Variants in FREM3 observed in about 807,000 individuals in gnomAD.
FREM3 encodes FRAS1-related extracellular matrix protein 3.
A neutral mutation model predicts 129.1 loss-of-function variants in FREM3; 105 were observed. The ratio of observed to expected loss-of-function variants is 0.81; its 90% confidence interval spans 0.69 to 0.96. FREM3 has a LOEUF of 0.96. FREM3 is among the 40% of genes least tolerant of loss of function. The pLI is 0.00. For synonymous variants in FREM3, 1,014 were observed against 1,044.9 expected, an observed-to-expected ratio of 0.97 and a Z score of 0.57; for missense variants, 2,593 against 2,666.3, an observed-to-expected ratio of 0.97 and a Z score of 0.61.
chr4:143,587,938 T>A (rs552299680), intron 6 of FREM3, among the ~76,000 whole-genome samples: 1 of 152,208 alleles, frequency 6.6e-6, no homozygotes, highest in Non-Finnish European at 1.5e-5. Context: ...CTCACTCTTG[T>A]ATGCATGGCT....
In FREM3 at chr4:143,697,518, A is replaced by G. The variant is rs767791282; in HGVS notation, c.3158T>C (p.Ile1053Thr). 5 of 1,537,172 alleles carry G rather than the reference A, an allele frequency of 3.3e-6. No homozygotes were observed. In the African/African-American group the frequency reaches 6.8e-5, roughly 21 times the overall value. Residue 1053 changes from isoleucine to threonine, a missense_variant, in exon 1 of 8, where the codon ATA becomes ACA. By Grantham distance (89) the Ile-to-Thr change is moderately conservative. Around this residue, in one of 2 missense-constraint regions of FREM3, gnomAD observed 2,276 missense variants for 2,267.2 expected, o/e 1.00. Transcript: ENST00000329798. The stretch of plus-strand genomic sequence containing the variant: ...AGTTACTTGTACCTGTACTTTCTCT[A>G]TTATGCTATTCCCCACTACCCATTG... ...SYQWVVGNSI[I>T]EKVQVQVTVL...
In FREM3 at chr4:143,696,629, C is replaced by T; in HGVS notation, c.4047G>A (p.Gly1349=). Residue 1349 remains glycine, a synonymous_variant, in exon 1 of 8, where the codon GGG becomes GGA. Transcript: ENST00000329798. ...GCCTCTGTAGAAGCCCTTGTTGAGGCCCAGAATGGAGGACAAAACTGAGGC... is the reference window on the plus strand; with the variant it reads ...GCCTCTGTAGAAGCCCTTGTTGAGGTCCAGAATGGAGGACAAAACTGAGGC... ...DKSLSFVLHS[G]PQQGLLQRLR... is the part of the protein sequence containing the mutation. 6.5e-7 allele frequency: 1 copy of T among 1,537,762 alleles called. No homozygotes were observed. Among genetic ancestry groups the T allele is most frequent in the South Asian group, 1.2e-5 (1 of 84,054 alleles).
Position 143,585,766 on chromosome 4 carries a change from A to G in FREM3, c.6178+78T>C. On this transcript the variant is annotated intron_variant, in intron 7 of 7. Transcript: ENST00000329798. The surrounding 1 kb of genome is among the most constrained non-coding windows in gnomAD (Gnocchi z 4.2). ...CAGAGTCCATCAACAAAGACTAAGCATGCTTACACTTAACAGACTAGACTC... is the reference window on the plus strand; with the variant it reads ...CAGAGTCCATCAACAAAGACTAAGCGTGCTTACACTTAACAGACTAGACTC... The G allele has an allele frequency of 7.2e-7, 1 of 1,396,906 alleles. No homozygotes were observed. Among genetic ancestry groups the G allele is most frequent in the Non-Finnish European group, 9.6e-7 (1 of 1,042,644 alleles). The allele number at this position is 1,396,906 out of a possible 1,614,324, so 86.5% of individuals were successfully genotyped here.
chr4:143,582,209 G>A (rs959889260), intron 7 of FREM3, among the ~76,000 whole-genome samples: 10 of 152,150 alleles, frequency 6.6e-5, no homozygotes, highest in East Asian at 1.9e-4. Flanking sequence ...TCAAGGCTGC[G>A]GTGTATAGCT....
At chr4:143,624,028 G>A (rs530811164) in intron 4 of FREM3, 80 bp downstream of exon 4, 209 of 776,472 alleles carry the variant, frequency 2.7e-4, no homozygotes, top group Middle Eastern at 2.1e-3. Flanking sequence ...GGCTTACAGA[G>A]CCTGAGGGAA....
intron 3 of FREM3, among the ~76,000 whole-genome samples, chr4:143,625,830 G>A (rs1251268800): frequency 6.6e-6 from 1 of 152,194 alleles, no homozygotes; most frequent in African/African-American, 2.4e-5. Context: ...TTTGATGAGT[G>A]CCACAGAATG....
At chr4:143,654,231 T>C (rs1739559248) in intron 2 of FREM3, among the ~76,000 whole-genome samples, 1 of 152,088 alleles carries the variant, frequency 6.6e-6, no homozygotes, top group Non-Finnish European at 1.5e-5. Flanking sequence ...GCCTACCGAG[T>C]AGCTGGGATT....
At chr4:143,614,950 G>T (rs1333735029) in intron 5 of FREM3, among the ~76,000 whole-genome samples, 1 of 152,104 alleles carries the variant, frequency 6.6e-6, no homozygotes, top group Non-Finnish European at 1.5e-5. Context: ...CCCCTGTCCA[G>T]GCCTCCCTCA....
At chr4:143,629,970 A>G (rs1005406334) in intron 2 of FREM3, among the ~76,000 whole-genome samples, 3 of 152,162 alleles carry the variant, frequency 2.0e-5, no homozygotes, top group African/African-American at 7.2e-5. Context: ...AAAAACATGC[A>G]CAGTGAGAAG....
chr4:143,680,414 T>C (rs982279138), intron 2 of FREM3, among the ~76,000 whole-genome samples: 6 of 152,088 alleles, frequency 3.9e-5, no homozygotes, highest in Non-Finnish European at 5.9e-5. Flanking sequence ...TATTATTGTA[T>C]CATCTTCTAA....
intron 2 of FREM3, among the ~76,000 whole-genome samples, chr4:143,660,885 T>G (rs1482052222): frequency 6.6e-6 from 1 of 152,246 alleles, no homozygotes; most frequent in Non-Finnish European, 1.5e-5. Flanking sequence ...GCTCTCTGTT[T>G]GTCTGTCATT....
In FREM3 at chr4:143,699,832, C is replaced by T; in HGVS notation, c.844G>A (p.Ala282Thr). 6.5e-7 allele frequency: 1 copy of T among 1,536,548 alleles called. No homozygotes were observed. The highest frequency in any genetic ancestry group is 8.7e-7 in the Non-Finnish European group (1 of 1,146,894). Residue 282 changes from alanine (A) to threonine (T), a missense_variant, in exon 1 of 8, where the codon GCG becomes ACG. Coordinates refer to ENST00000329798, the MANE Select transcript of FREM3 (RefSeq NM_001168235.2). The surrounding 1 kb of genome is among the most constrained non-coding windows in gnomAD (Gnocchi z 4.2). Reference sequence around the variant, plus strand: ...AAGTGCTCGCGGACCAGCACACCCGCGGACCCAGCGTCTTGGCCCTCAGGC... The same window carrying T: ...AAGTGCTCGCGGACCAGCACACCCGTGGACCCAGCGTCTTGGCCCTCAGGC... ...LGPEGQDAGS[A>T]GVLVREHFQL... is the part of the protein sequence containing the mutation.
intron 2 of FREM3, among the ~76,000 whole-genome samples, chr4:143,681,124 G>A (rs897789668): frequency 1.3e-5 from 2 of 152,106 alleles, no homozygotes; most frequent in South Asian, 2.1e-4. Context: ...AATTAAAATA[G>A]TCTTTCTTGC....
chr4:143,624,409 T>C, intron 3 of FREM3, 71 bp from the exon 4 acceptor site: 1 of 928,790 alleles, frequency 1.1e-6, no homozygotes, highest in Non-Finnish European at 1.6e-6. Context: ...TCAAAGTGGT[T>C]TCTATTGTTA....
chr4:143,624,395 C>T, intron 3 of FREM3, 57 bp from the exon 4 acceptor site: 1 of 1,065,842 alleles, frequency 9.4e-7, no homozygotes, highest in Non-Finnish European at 1.4e-6. Context: ...GGCATAGTCT[C>T]CTTTCAAAGT....
At chr4:143,682,120 C>G (rs1740262578) in intron 2 of FREM3, among the ~76,000 whole-genome samples, 1 of 152,158 alleles carries the variant, frequency 6.6e-6, no homozygotes, top group Admixed American at 6.5e-5. Flanking sequence ...AACTTCTTTT[C>G]AGCTAGAAGA....
At chr4:143,653,169 A>G (rs539658437) in intron 2 of FREM3, among the ~76,000 whole-genome samples, 16 of 152,312 alleles carry the variant, frequency 1.1e-4, no homozygotes, top group Admixed American at 9.2e-4. Flanking sequence ...GAAAAAACAC[A>G]TATCTCACAG....
At chr4:143,689,769 A>C (rs1205064383) in intron 2 of FREM3, among the ~76,000 whole-genome samples, 1 of 152,050 alleles carries the variant, frequency 6.6e-6, no homozygotes, top group Admixed American at 6.6e-5. Context: ...ATTCTAAATG[A>C]ATTAACTCAG....
chr4:143,611,745 G>C (rs959824876), intron 5 of FREM3, among the ~76,000 whole-genome samples: 1 of 152,140 alleles, frequency 6.6e-6, no homozygotes, highest in Non-Finnish European at 1.5e-5. Flanking sequence ...TTTAAATAGA[G>C]TATATTGAAT....
Sources: gnomAD v4.1 joint callset for allele counts (sites outside exome capture counted in the v4.1 genomes callset) on GRCh38, gnomAD v4.1.1 for gene constraint, gnomAD v4.1.1 regional missense constraint, Gnocchi (gnomAD v3.1) non-coding constraint, MANE v1.5 for transcripts, NCBI Gene and HGNC (gene_info 2026-07-23, HGNC 2026-07-21) for gene names.